Variants in WDR70 observed in about 807,000 individuals in gnomAD.
The protein encoded by WDR70 is WD repeat domain 70, also known as WD repeat-containing protein 70.
In WDR70, 53 loss-of-function variants were observed where a neutral mutation model predicts 88.6. The ratio of observed to expected loss-of-function variants is 0.60; its 90% CI spans 0.48 to 0.75. WDR70 has a LOEUF of 0.75. WDR70 is among the 30% of genes least tolerant of loss of function. The probability of loss-of-function intolerance (pLI) is 0.00; values close to 1 mark genes in which losing one functional copy is unlikely to be tolerated. For missense variants in WDR70, 610 were observed against 823.2 expected, an observed-to-expected ratio of 0.74 and a Z score of 3.17; for synonymous variants, 280 against 270.0, an observed-to-expected ratio of 1.04 and a Z score of -0.36.
At chr5:37,512,151 A>T (rs1740739624) in intron 8 of WDR70, among the ~76,000 whole-genome samples, 1 of 151,226 alleles carries the variant, frequency 6.6e-6, no homozygotes. Flanking sequence ...TGGCTATATA[A>T]CTCCATTCTC....
intron 9 of WDR70, among the ~76,000 whole-genome samples, chr5:37,552,644 C>T (rs935432303): frequency 1.6e-3 from 250 of 152,310 alleles, no homozygotes; most frequent in African/African-American, 5.8e-3. Flanking sequence ...ATGATAGATA[C>T]AGGTTTGCAT....
chr5:37,671,858 A>G (rs1008595258), intron 10 of WDR70, among the ~76,000 whole-genome samples: 1 of 152,196 alleles, frequency 6.6e-6, no homozygotes, highest in African/African-American at 2.4e-5. Flanking sequence ...CACACCTGTA[A>G]TCACAATACT....
At chr5:37,400,010 G>T (rs1387767829) in intron 5 of WDR70, among the ~76,000 whole-genome samples, 1 of 152,114 alleles carries the variant, frequency 6.6e-6, no homozygotes, top group Non-Finnish European at 1.5e-5. Context: ...TCAGCTCACT[G>T]CAACCTCCGT....
At chr5:37,455,461 T>G (rs1025410798) in intron 7 of WDR70, among the ~76,000 whole-genome samples, 2 of 151,636 alleles carry the variant, frequency 1.3e-5, no homozygotes, top group Admixed American at 1.3e-4. Flanking sequence ...AGGCTGGTCT[T>G]GAACTCCTGA....
Position 37,521,688 on chromosome 5 carries a change from G to A in WDR70, c.917+5098G>A, listed in dbSNP as rs1025711599. Among the ~76,000 whole-genome samples the A allele has an allele frequency of 4.1e-5, 6 of 145,300 alleles. No homozygotes were observed. In the South Asian group the frequency reaches 1.1e-3, roughly 27 times the overall value. On this transcript the variant is annotated intron_variant, in intron 9 of 17. Coordinates refer to ENST00000265107, the MANE Select transcript of WDR70 (RefSeq NM_018034.4). ...TTATTTTGTTCCTTTTTGTGGCTGA[G>A]TAGTAGTCCAAGTATACACACACAC... is the stretch of plus-strand genomic sequence containing the variant.
At chr5:37,650,519 GAAA>G (rs144589665) in intron 10 of WDR70, among the ~76,000 whole-genome samples, 2,817 of 152,244 alleles carry the variant, frequency 0.019, 47 homozygotes, top group Non-Finnish European at 0.03. Flanking sequence ...GTACATTAAT[GAAA>G]AAATAGGAAG....
At chr5:37,677,474 G>A (rs55966723) in intron 10 of WDR70, among the ~76,000 whole-genome samples, 55,959 of 151,614 alleles carry the variant, frequency 0.37, 11,978 homozygotes, top group Admixed American at 0.5. Context: ...CTTTATTTCT[G>A]CCTTCGTTTC....
Position 37,743,109 on chromosome 5 carries a change from G to T in WDR70, c.1878-9377G>T, listed in dbSNP as rs190209387. On this transcript the variant is annotated intron_variant, in intron 17 of 17. Transcript: ENST00000265107. Reference sequence around the variant, plus strand: ...CCTTCACCAGCAGCCAAGGCATCCAGGTTCTCTCATCAAAATTGACTAGAA... The same window carrying T: ...CCTTCACCAGCAGCCAAGGCATCCATGTTCTCTCATCAAAATTGACTAGAA... 1.4e-3 allele frequency among the ~76,000 whole-genome samples: 208 copies of T among 152,320 alleles called. 2 individuals are homozygous for T. The highest frequency in any genetic ancestry group is 2.4e-4 in the Non-Finnish European group (16 of 68,040).
intron 9 of WDR70, among the ~76,000 whole-genome samples, chr5:37,531,785 T>C (rs2112307304): frequency 6.6e-6 from 1 of 151,900 alleles, no homozygotes; most frequent in Middle Eastern, 3.4e-3. Flanking sequence ...TGAGGTACTA[T>C]TCTATTCATT....
chr5:37,633,460 C>A, intron 10 of WDR70, among the ~76,000 whole-genome samples: 1 of 149,964 alleles, frequency 6.7e-6, no homozygotes, highest in South Asian at 2.1e-4. Flanking sequence ...GTTTAAACGG[C>A]CATAACTTAA....
intron 13 of WDR70, among the ~76,000 whole-genome samples, chr5:37,706,480 T>C (rs1386332107): frequency 6.6e-6 from 1 of 152,162 alleles, no homozygotes; most frequent in Non-Finnish European, 1.5e-5. Flanking sequence ...TTTTCCGTGC[T>C]GTTCTTGTGA....
At chr5:37,676,683 G>T (rs1194162806) in intron 10 of WDR70, among the ~76,000 whole-genome samples, 5 of 151,944 alleles carry the variant, frequency 3.3e-5, no homozygotes, top group Non-Finnish European at 7.4e-5. Flanking sequence ...AAGGATATTG[G>T]TCTAAAATTC....
chr5:37,559,690 C>T (rs975489278), intron 9 of WDR70, among the ~76,000 whole-genome samples: 1 of 151,890 alleles, frequency 6.6e-6, no homozygotes, highest in African/African-American at 2.4e-5. Context: ...ACTAAAAATA[C>T]AAAAATTAGC....
intron 8 of WDR70, chr5:37,505,569 A>G (rs1405239257): frequency 1.8e-5 from 12 of 664,378 alleles, no homozygotes; most frequent in Non-Finnish European, 2.7e-5. Context: ...AATTCTCTCA[A>G]TGTTTTTTAA....
At chr5:37,489,817 T>C (rs1740010831) in intron 8 of WDR70, among the ~76,000 whole-genome samples, 1 of 151,802 alleles carries the variant, frequency 6.6e-6, no homozygotes, top group South Asian at 2.1e-4. Context: ...TATTATACTT[T>C]AAGTTTTAGG....
At chr5:37,397,519 T>A (rs1749055908) in intron 5 of WDR70, among the ~76,000 whole-genome samples, 1 of 151,402 alleles carries the variant, frequency 6.6e-6, no homozygotes, top group South Asian at 2.1e-4. Context: ...ATAATAATGA[T>A]GATGGGTAAA....
intron 10 of WDR70, among the ~76,000 whole-genome samples, chr5:37,673,105 A>G (rs1435547242): frequency 6.6e-6 from 1 of 151,912 alleles, no homozygotes. Flanking sequence ...CTGCGTGTCC[A>G]TGTGTTCTCA....
chr5:37,568,573 A>T (rs760259633), intron 9 of WDR70, among the ~76,000 whole-genome samples: 1 of 152,188 alleles, frequency 6.6e-6, no homozygotes, highest in Non-Finnish European at 1.5e-5. Context: ...TGTTCTGATC[A>T]TGGCATGTTT....
chr5:37,664,364 C>A (rs1324019623), intron 10 of WDR70, among the ~76,000 whole-genome samples: 1 of 152,184 alleles, frequency 6.6e-6, no homozygotes, highest in African/African-American at 2.4e-5. Flanking sequence ...TTATCTGCTC[C>A]TGGTCTGTTA....
Sources: allele counts gnomAD v4.1 joint callset (sites outside exome capture counted in the v4.1 genomes callset), GRCh38; gene constraint gnomAD v4.1.1; transcripts MANE v1.5; gene names NCBI Gene and HGNC (gene_info 2026-07-23, HGNC 2026-07-21).